The following RUNDC3B variants were observed in gnomAD, a reference collection of about 807,000 sequenced individuals.
RUNDC3B encodes RUN domain-containing protein 3B.
Under a neutral mutation model 58.4 loss-of-function variants are expected in RUNDC3B, and 33 were observed. The observed-to-expected ratio is 0.56, with a 90% CI of 0.43 to 0.75. The LOEUF (loss-of-function observed/expected upper bound fraction) is 0.75. Among genes scored for constraint, RUNDC3B ranks in the 30% least tolerant of loss-of-function variants. The pLI, the probability that RUNDC3B is intolerant of heterozygous loss-of-function variation, is 0.00. For synonymous variants in RUNDC3B, 193 were observed against 195.2 expected (o/e 0.99, Z 0.10); for missense variants, 501 against 535.7 (o/e 0.94, Z 0.64).
At chr7:87,710,130 T>C (rs1296221825) in intron 3 of RUNDC3B, among the ~76,000 whole-genome samples, 4 of 152,172 alleles carry the variant, frequency 2.6e-5, no homozygotes, top group Non-Finnish European at 5.9e-5. Flanking sequence ...AGGATAGGAT[T>C]GAAAATTTTC....
chr7:87,766,332 T>C (rs1467341252), intron 6 of RUNDC3B, among the ~76,000 whole-genome samples: 3 of 152,148 alleles, frequency 2.0e-5, no homozygotes, highest in Non-Finnish European at 4.4e-5. Flanking sequence ...GTAATTGCTT[T>C]ATCGGCTGTC....
chr7:87,747,286 T>C (rs1175564699), intron 6 of RUNDC3B, among the ~76,000 whole-genome samples: 1 of 152,162 alleles, frequency 6.6e-6, no homozygotes, highest in Non-Finnish European at 1.5e-5. Context: ...GCTCTTGGCT[T>C]CTACTGGGGG....
At chr7:87,779,222 C>A (rs925815407) in intron 8 of RUNDC3B, among the ~76,000 whole-genome samples, 1 of 152,240 alleles carries the variant, frequency 6.6e-6, no homozygotes, top group Middle Eastern at 3.4e-3. Flanking sequence ...AATAATGTCC[C>A]TTACTACAAA....
intron 2 of RUNDC3B, among the ~76,000 whole-genome samples, chr7:87,699,557 C>T (rs999324387): frequency 1.3e-5 from 2 of 152,156 alleles, no homozygotes; most frequent in African/African-American, 4.8e-5. Context: ...GGGCATACAC[C>T]ACCATGCCCA....
Position 87,766,111 on chromosome 7 carries a change from C to T in RUNDC3B, c.630-4470C>T, listed in dbSNP as rs74814100. 4.1e-3 allele frequency among the ~76,000 whole-genome samples: 627 copies of T among 152,194 alleles called. 1 individual carries two copies. The highest frequency in any genetic ancestry group is 6.4e-3 in the Non-Finnish European group (434 of 67,984). ...GTTTTGTATGATATAAGAATAGCTA[C>T]TCTTGATCGTTTTGTTTTCCTGTTG... On this transcript the variant is annotated intron_variant, in intron 6 of 10. Transcript: ENST00000394654.
At chr7:87,753,009 A>G (rs1264441054) in intron 6 of RUNDC3B, among the ~76,000 whole-genome samples, 1 of 151,988 alleles carries the variant, frequency 6.6e-6, no homozygotes, top group Non-Finnish European at 1.5e-5. Context: ...TCTTGTGGTC[A>G]TTTAGTGCTA....
chr7:87,713,000 A>G (rs1218185123), intron 4 of RUNDC3B, among the ~76,000 whole-genome samples: 1 of 152,002 alleles, frequency 6.6e-6, no homozygotes, highest in East Asian at 1.9e-4. Flanking sequence ...AAAAAATCTT[A>G]TTTTTCTCCC....
chr7:87,644,016 A>G (rs887819123), intron 1 of RUNDC3B, among the ~76,000 whole-genome samples: 2 of 151,984 alleles, frequency 1.3e-5, no homozygotes, highest in Non-Finnish European at 2.9e-5. Context: ...GTGCCACCAT[A>G]CCTGGATAAT....
intron 10 of RUNDC3B, among the ~76,000 whole-genome samples, chr7:87,819,860 C>A (rs1837313354): frequency 6.6e-6 from 1 of 151,962 alleles, no homozygotes. Context: ...ACCCAACATA[C>A]CAGAATCTCT....
At chr7:87,651,947 G>T (rs1823620035) in intron 2 of RUNDC3B, among the ~76,000 whole-genome samples, 1 of 151,312 alleles carries the variant, frequency 6.6e-6, no homozygotes, top group Non-Finnish European at 1.5e-5. Flanking sequence ...TTTTAAAAGG[G>T]TTTTTTTTGT....
At chr7:87,729,992 A>G (rs1186440763) in intron 4 of RUNDC3B, among the ~76,000 whole-genome samples, 3 of 152,170 alleles carry the variant, frequency 2.0e-5, no homozygotes, top group Non-Finnish European at 4.4e-5. Flanking sequence ...AAGGGTACCC[A>G]TTGCCTTGAA....
chr7:87,709,337 T>A (rs2130735826), intron 3 of RUNDC3B: 14 of 985,364 alleles, frequency 1.4e-5, no homozygotes, highest in Non-Finnish European at 1.7e-5. Flanking sequence ...CTAGTTTCTG[T>A]GTCTTTTAGA....
intron 10 of RUNDC3B, among the ~76,000 whole-genome samples, chr7:87,816,768 C>T (rs1292484603): frequency 6.6e-6 from 1 of 152,174 alleles, no homozygotes; most frequent in Non-Finnish European, 1.5e-5. Context: ...ATCAGCCTCT[C>T]TTCCCATTGG....
chr7:87,717,926 T>C (rs767427099), intron 4 of RUNDC3B, among the ~76,000 whole-genome samples: 44 of 152,252 alleles, frequency 2.9e-4, no homozygotes, highest in Middle Eastern at 3.4e-3. Context: ...TTAATATTGA[T>C]TGAAATGTAA....
chr7:87,803,459 A>G (rs17149905), intron 8 of RUNDC3B, among the ~76,000 whole-genome samples: 2 of 152,240 alleles, frequency 1.3e-5, no homozygotes, highest in African/African-American at 4.8e-5. Context: ...ACATAATTAC[A>G]TATAAGAAAC....
chr7:87,669,868 G>T (rs1414273485), intron 2 of RUNDC3B, among the ~76,000 whole-genome samples: 1 of 152,064 alleles, frequency 6.6e-6, no homozygotes, highest in Non-Finnish European at 1.5e-5. Context: ...TCCTTTTGTA[G>T]GTCATGTGCC....
intron 6 of RUNDC3B, among the ~76,000 whole-genome samples, chr7:87,762,180 T>A (rs1833728818): frequency 6.6e-6 from 1 of 151,640 alleles, no homozygotes; most frequent in Admixed American, 6.6e-5. Context: ...CGTTAATGAG[T>A]CTTGTAAATG....
chr7:87,824,081 A>G (rs1026804106), intron 10 of RUNDC3B, among the ~76,000 whole-genome samples: 1 of 152,212 alleles, frequency 6.6e-6, no homozygotes, highest in African/African-American at 2.4e-5. Flanking sequence ...ATGGATATAC[A>G]TATTTTGGGG....
chr7:87,662,906 T>G (rs1824860202), intron 2 of RUNDC3B, among the ~76,000 whole-genome samples: 1 of 152,166 alleles, frequency 6.6e-6, no homozygotes, highest in South Asian at 2.1e-4. Context: ...AGTTTTTTTG[T>G]GTCCTCTTAA....
Sources: allele counts gnomAD v4.1 joint callset (sites outside exome capture counted in the v4.1 genomes callset), GRCh38; gene constraint gnomAD v4.1.1; transcripts MANE v1.5; gene names NCBI Gene and HGNC (gene_info 2026-07-23, HGNC 2026-07-21).